Variants in PGM2L1 observed in about 807,000 individuals in gnomAD.
The protein encoded by PGM2L1 is phosphoglucomutase 2 like 1.
Under a neutral mutation model 73.4 loss-of-function variants are expected in PGM2L1, and 35 were observed. The ratio of observed to expected loss-of-function variants is 0.48; its 90% CI spans 0.36 to 0.63. PGM2L1 has a LOEUF of 0.63. Ranked by LOEUF, PGM2L1 falls within the 30% of genes least tolerant of loss-of-function variation. The probability of loss-of-function intolerance (pLI) is 0.00; values close to 1 mark genes in which losing one functional copy is unlikely to be tolerated. For synonymous variants in PGM2L1, 225 were observed against 253.8 expected (o/e 0.89, Z 1.08); for missense variants, 570 against 742.0 (o/e 0.77, Z 2.69).
intron 6 of PGM2L1, 50 bp downstream of exon 6, chr11:74,351,333 T>C (rs768108797): frequency 6.7e-7 from 1 of 1,500,608 alleles, no homozygotes; most frequent in Non-Finnish European, 9.1e-7. Context: ...TTCTCCTCAT[T>C]CTTTAACGTT....
chr11:74,383,820 A>ATATATATATATAT (rs1555102267), intron 1 of PGM2L1, among the ~76,000 whole-genome samples: 2 of 16,966 alleles, frequency 1.2e-4, no homozygotes, highest in Admixed American at 4.3e-4. Context: ...GAGATATATA[A>ATATATATATATAT]ATAAATATAT....
chr11:74,359,564 CAT>C (rs56089033), intron 5 of PGM2L1, among the ~76,000 whole-genome samples: 84,853 of 149,902 alleles, frequency 0.57, 25,218 homozygotes, highest in East Asian at 0.8. Flanking sequence ...CACGTACATA[CAT>C]ATATATATAT....
At chr11:74,365,045 C>G (rs1862633606) in intron 5 of PGM2L1, among the ~76,000 whole-genome samples, 1 of 151,028 alleles carries the variant, frequency 6.6e-6, no homozygotes, top group Non-Finnish European at 1.5e-5. Context: ...GAACAGAGCT[C>G]TCAGAAATAA....
At chr11:74,360,711 G>A (rs547950713) in intron 5 of PGM2L1, among the ~76,000 whole-genome samples, 15 of 152,226 alleles carry the variant, frequency 9.9e-5, no homozygotes, top group South Asian at 2.1e-4. Flanking sequence ...CTAATATTGC[G>A]CTTTTCCAAT....
intron 5 of PGM2L1, among the ~76,000 whole-genome samples, chr11:74,356,478 A>C (rs776345011): frequency 1.6e-4 from 25 of 152,252 alleles, no homozygotes; most frequent in Non-Finnish European, 2.6e-4. Context: ...TCTTGAAAGA[A>C]TAGAAAGACA....
chr11:74,360,278 A>AAGGG (rs778244835), intron 5 of PGM2L1, among the ~76,000 whole-genome samples: 1 of 148,284 alleles, frequency 6.7e-6, no homozygotes, highest in African/African-American at 2.5e-5. Context: ...AAAGAGAAGG[A>AAGGG]AGGAAGGGAG....
At position 74,398,329 on chromosome 11, in the gene PGM2L1, G is replaced by T. The variant is rs1863215213; in HGVS notation, c.-168C>A. 3 of 1,077,078 alleles carry T rather than the reference G, an allele frequency of 2.8e-6. No individual in the cohort carries two copies. The highest frequency in any genetic ancestry group is 3.7e-6 in the Non-Finnish European group (3 of 808,876). 66.7% of individuals were successfully genotyped at this position (1,077,078 alleles called of 1,614,324 possible). On this transcript the variant is annotated 5_prime_UTR_variant, in exon 1 of 14. Transcript: ENST00000298198. ...GCTCCTGCCGCGGCGTCAGGGAACC[G>T]GGAGAGAGGGGGTTTATGGCCGCCT...
At chr11:74,338,288 A>G (rs1862127996) in intron 13 of PGM2L1, among the ~76,000 whole-genome samples, 180 bp downstream of exon 13, 1 of 152,174 alleles carries the variant, frequency 6.6e-6, no homozygotes, top group Non-Finnish European at 1.5e-5. Flanking sequence ...GTGATTTCTC[A>G]TGGCTACGGG....
chr11:74,384,759 A>G (rs188210631), intron 1 of PGM2L1, among the ~76,000 whole-genome samples: 13 of 152,262 alleles, frequency 8.5e-5, no homozygotes, highest in Admixed American at 6.5e-4. Flanking sequence ...AGCCATCCAA[A>G]TGACTCAAAA....
Position 74,334,326 on chromosome 11 carries a change from A to G in PGM2L1, c.*2326T>C, listed in dbSNP as rs1862058952. 1 of 152,342 alleles carries G rather than the reference A, an allele frequency of 6.6e-6. No individual in the cohort carries two copies. The highest frequency in any genetic ancestry group is 6.5e-5 in the Admixed American group (1 of 15,296). 9.4% of individuals were successfully genotyped at this position (152,342 alleles called of 1,614,324 possible). ...GTCACTGAAACACAGAACTAAACCA[A>G]ATATACCTGTTTTTCATATATACAA... On this transcript the variant is annotated 3_prime_UTR_variant, in exon 14 of 14. Coordinates refer to ENST00000298198, the MANE Select transcript of PGM2L1 (RefSeq NM_173582.6).
chr11:74,369,051 C>T (rs1426466853), intron 4 of PGM2L1, among the ~76,000 whole-genome samples: 3 of 152,156 alleles, frequency 2.0e-5, no homozygotes, highest in Non-Finnish European at 4.4e-5. Context: ...TCAGTTACCA[C>T]GGTAATATTA....
rs1260710857 is a variant in PGM2L1, at chr11:74,355,219, G to A, written c.556-3643C>T. The A allele has an allele frequency of 7.8e-6, 11 of 1,414,896 alleles. No individual in the cohort carries two copies. In the African/African-American group the frequency reaches 1.5e-4, roughly 20 times the overall value. 87.6% of individuals were successfully genotyped at this position (1,414,896 alleles called of 1,614,324 possible). A position where few individuals can be genotyped will look rare whatever the true frequency, so the allele number is the denominator to read the frequency against. On this transcript the variant is annotated intron_variant, in intron 5 of 13. Transcript: ENST00000298198. ...GATGGAAGCAATTTTGGAGGTGGTG[G>A]AAGCTACAATGATTTTGGCAATTAC...
chr11:74,375,069 T>A (rs1346724013), intron 1 of PGM2L1, among the ~76,000 whole-genome samples: 1 of 152,150 alleles, frequency 6.6e-6, no homozygotes, highest in Non-Finnish European at 1.5e-5. Context: ...ACTGGATAAA[T>A]ACCATCAAAA....
rs1352819158 is a variant in PGM2L1 at position 74,343,330 on chromosome 11, C to T, written c.1305G>A (p.Glu435=). Residue 435 remains glutamate, a synonymous_variant, in exon 10 of 14, where the codon GAG becomes GAA. Transcript: ENST00000298198. ...TTAATATTTACTACATACCAATAGA[C>T]TCTTCAAATGCAAAAAGGACTTCTT... ...NGKEVLFAFE[E]SIGFLCGTSV... 1.2e-6 allele frequency: 2 copies of T among 1,605,626 alleles called. No individual in the cohort carries two copies. The highest frequency in any genetic ancestry group is 1.1e-5 in the South Asian group (1 of 89,096).
intron 5 of PGM2L1, among the ~76,000 whole-genome samples, chr11:74,368,228 G>A (rs916801726): frequency 5.3e-5 from 8 of 152,174 alleles, no homozygotes; most frequent in African/African-American, 1.9e-4. Context: ...AAACGGTAGA[G>A]AGGATGGATT....
chr11:74,343,335 CA>C lies in PGM2L1; in HGVS notation c.1299del (p.Phe433LeufsTer19), dbSNP rs1274815874. 4 of 1,606,446 alleles carry C rather than the reference CA, an allele frequency of 2.5e-6. No homozygotes were observed. Among genetic ancestry groups the C allele is most frequent in the Non-Finnish European group, 3.4e-6 (4 of 1,178,080 alleles). On this transcript the variant is annotated frameshift_variant, in exon 10 of 14. Transcript: ENST00000298198. LOFTEE classifies it high-confidence loss of function. ...LENGKEVLFA[F>X]EESIGFLCGT... ...ATTTACTACATACCAATAGACTCTT[CA>C]AATGCAAAAAGGACTTCTTTCCCAT...
rs552468293 is a variant in PGM2L1 at position 74,343,485 on chromosome 11, C to T, written c.1219-69G>A. 28 of 1,565,492 alleles carry T rather than the reference C, an allele frequency of 1.8e-5. 1 individual carries two copies. The African/African-American group carries it at 3.7e-4, about 21-fold the overall frequency. On this transcript the variant is annotated intron_variant, in intron 9 of 13. Coordinates refer to ENST00000298198, the MANE Select transcript of PGM2L1 (RefSeq NM_173582.6). ...AAATACCTATTAGAGAAAAATCTGCCACTACATGCACACAACGTTCATATA... is the reference window on the plus strand; with the variant it reads ...AAATACCTATTAGAGAAAAATCTGCTACTACATGCACACAACGTTCATATA...
chr11:74,393,914 G>A (rs1863138033), intron 1 of PGM2L1, among the ~76,000 whole-genome samples: 2 of 152,062 alleles, frequency 1.3e-5, no homozygotes, highest in Admixed American at 1.3e-4. Context: ...ATATTATAAT[G>A]AGAGAACCTG....
chr11:74,365,246 T>C (rs1364627938), intron 5 of PGM2L1, among the ~76,000 whole-genome samples: 4 of 152,170 alleles, frequency 2.6e-5, no homozygotes, highest in Non-Finnish European at 5.9e-5. Flanking sequence ...ATGTTAGACC[T>C]AAAACCGTAA....
Sources: allele counts gnomAD v4.1 joint callset (sites outside exome capture counted in the v4.1 genomes callset), GRCh38; gene constraint gnomAD v4.1.1; transcripts MANE v1.5; gene names NCBI Gene and HGNC (gene_info 2026-07-23, HGNC 2026-07-21).